Variants in RELN observed in about 807,000 individuals in gnomAD.
RELN encodes the protein reelin.
In RELN, 108 loss-of-function variants were observed where a neutral mutation model predicts 427.6. The ratio of observed to expected loss-of-function variants is 0.25; its 90% CI spans 0.22 to 0.30. The LOEUF (loss-of-function observed/expected upper bound fraction) is 0.30. RELN is among the 10% of genes least tolerant of loss of function. The probability of loss-of-function intolerance (pLI) is 1.00; values close to 1 mark genes in which losing one functional copy is unlikely to be tolerated. For synonymous variants in RELN, 1,524 were observed against 1,513.4 expected (o/e 1.01, Z -0.16); for missense variants, 3,715 against 4,302.8 (o/e 0.86, Z 3.82).
chr7:103,519,230 A>C (rs1829643774), intron 49 of RELN, 93 bp downstream of exon 49: 2 of 935,686 alleles, frequency 2.1e-6, no homozygotes, highest in Admixed American at 1.7e-5. Flanking sequence ...AGTGAGGCAT[A>C]AGTCTGAGGT....
At chr7:103,559,577 T>C (rs1487787242) in intron 36 of RELN, among the ~76,000 whole-genome samples, 1 of 152,192 alleles carries the variant, frequency 6.6e-6, no homozygotes, top group Non-Finnish European at 1.5e-5. Flanking sequence ...CTTGGATTTT[T>C]TTTTTGTTTG....
At chr7:103,972,114 T>C (rs961115701) in intron 1 of RELN, among the ~76,000 whole-genome samples, 1 of 152,024 alleles carries the variant, frequency 6.6e-6, no homozygotes, top group African/African-American at 2.4e-5. Flanking sequence ...TAAAAAAATC[T>C]CTGCAATGTT....
intron 4 of RELN, among the ~76,000 whole-genome samples, chr7:103,763,369 G>A (rs80178601): frequency 0.015 from 2,250 of 152,228 alleles, 58 homozygotes; most frequent in African/African-American, 0.051. Context: ...TAAGTGTCAG[G>A]TACTGTGCCA....
intron 11 of RELN, among the ~76,000 whole-genome samples, chr7:103,668,939 C>T (rs1414643533): frequency 6.6e-6 from 1 of 152,128 alleles, no homozygotes; most frequent in Non-Finnish European, 1.5e-5. Flanking sequence ...AAAGAATTTT[C>T]ATGGACTAAA....
At position 103,497,917 on chromosome 7, in the gene RELN, T is replaced by C; in HGVS notation, c.8853A>G (p.Gln2951=). Residue 2951 remains glutamine, a synonymous_variant, in exon 55 of 65, where the codon CAA becomes CAG. Transcript: ENST00000428762. The part of the protein sequence containing the change: ...DLDLRGAKFL[Q]YWGRIGSENN... ...TCTCACTACCGATGCGCCCCCAGTA[T>C]TGCAGGAACCTGAATGCAAGCACAT... 6.2e-7 allele frequency: 1 copy of C among 1,614,098 alleles called. No individual in the cohort carries two copies. The highest frequency in any genetic ancestry group is 2.2e-5 in the East Asian group (1 of 44,880).
chr7:103,850,723 C>T (rs1249160945), intron 2 of RELN, among the ~76,000 whole-genome samples: 1 of 152,104 alleles, frequency 6.6e-6, no homozygotes, highest in African/African-American at 2.4e-5. Flanking sequence ...GGCCAACAAA[C>T]ATATGAAAAA....
At chr7:103,746,692 T>C (rs1790841754) in intron 6 of RELN, among the ~76,000 whole-genome samples, 1 of 151,884 alleles carries the variant, frequency 6.6e-6, no homozygotes, top group Non-Finnish European at 1.5e-5. Flanking sequence ...ATCAGAGAAA[T>C]GCAAATCAAA....
chr7:103,504,257 G>A (rs1829134397), intron 51 of RELN: 1 of 152,216 alleles, frequency 6.6e-6, no homozygotes, highest in Non-Finnish European at 1.5e-5. Context: ...AGTATTAATA[G>A]AGAGATGGGT....
At chr7:103,597,550 C>T (rs1246748226) in intron 24 of RELN, among the ~76,000 whole-genome samples, 2 of 152,074 alleles carry the variant, frequency 1.3e-5, no homozygotes, top group African/African-American at 4.8e-5. Flanking sequence ...TTGCAGTGAG[C>T]GAGATCAGGC....
At chr7:103,788,917 T>A (rs562126694) in intron 3 of RELN, among the ~76,000 whole-genome samples, 31 of 152,226 alleles carry the variant, frequency 2.0e-4, no homozygotes, top group African/African-American at 7.5e-4. Context: ...GGAGGTGTCA[T>A]GCTACCTGAC....
rs115733709 is a variant in RELN at position 103,904,847 on chromosome 7, T to C, written c.337+12228A>G. ...ATATATTCCCAAGAAACTGTAGACT[T>C]ATCATTTCTGGAAAGAAAATGAAAT... On this transcript the variant is annotated intron_variant, in intron 2 of 64. Coordinates refer to ENST00000428762, the MANE Select transcript of RELN (RefSeq NM_005045.4). Among the ~76,000 whole-genome samples, 1,500 of 152,186 alleles carry C rather than the reference T, an allele frequency of 9.9e-3. 22 individuals carry two copies. The highest frequency in any genetic ancestry group is 0.034 in the African/African-American group (1,402 of 41,546).
intron 21 of RELN, 59 bp from the exon 22 acceptor site, chr7:103,610,866 T>A (rs950715356): frequency 1.6e-5 from 14 of 897,526 alleles, no homozygotes; most frequent in Non-Finnish European, 2.3e-5. Flanking sequence ...GTGAAATATG[T>A]CTACTCACCC....
At position 103,553,794 on chromosome 7, in the gene RELN, A is replaced by C. The variant is rs1335921554; in HGVS notation, c.5835T>G (p.Ile1945Met). 2.5e-6 allele frequency: 4 copies of C among 1,614,118 alleles called. No individual in the cohort carries two copies. ...GGTTGTTTACATTATTTCCATCGAT[A>C]ATGAAGTCATCAACAATCCAGATTT... ...KEEIWIVDDF[I>M]IDGNNVNNPV... is the part of the protein sequence containing the mutation. The change falls in exon 39 of 65, where the codon ATT (isoleucine) becomes ATG (methionine). Residue 1945 changes from isoleucine (I) to methionine (M), a missense_variant. Around this residue, in one of 4 missense-constraint regions of RELN, gnomAD observed 1,310 missense variants for 1,643.0 expected, o/e 0.80. Coordinates refer to ENST00000428762, the MANE Select transcript of RELN (RefSeq NM_005045.4).
At chr7:103,577,961 T>A (rs2117213816) in intron 28 of RELN, among the ~76,000 whole-genome samples, 2 of 152,320 alleles carry the variant, frequency 1.3e-5, no homozygotes, top group East Asian at 3.9e-4. Context: ...CTGGGCAAGA[T>A]GAGGGCATCT....
At chr7:103,692,890 C>T (rs1049736841) in intron 10 of RELN, among the ~76,000 whole-genome samples, 3 of 151,900 alleles carry the variant, frequency 2.0e-5, no homozygotes, top group Non-Finnish European at 2.9e-5. Context: ...TTCTCAGAGA[C>T]AATGGCATTT....
Position 103,902,151 on chromosome 7 carries a change from A to G in RELN, c.337+14924T>C, listed in dbSNP as rs1258717194. ...GAAAGAAACAGAGAGGCTAGGGATA[A>G]ACTTCATCAGCCTCATAATTACTCT... On this transcript the variant is annotated intron_variant, in intron 2 of 64. Coordinates refer to ENST00000428762, the MANE Select transcript of RELN (RefSeq NM_005045.4). 3.3e-5 allele frequency among the ~76,000 whole-genome samples: 5 copies of G among 152,102 alleles called. No homozygotes were observed. In the East Asian group the frequency reaches 9.7e-4, roughly 29 times the overall value.
chr7:103,589,903 A>G, intron 27 of RELN, 75 bp from the exon 28 acceptor site: 3 of 884,786 alleles, frequency 3.4e-6, no homozygotes, highest in Middle Eastern at 4.3e-4. Flanking sequence ...ATGCTACAGC[A>G]TCCAGGGTGC....
intron 2 of RELN, among the ~76,000 whole-genome samples, chr7:103,850,040 T>C (rs1319219971): frequency 6.6e-6 from 1 of 152,244 alleles, no homozygotes; most frequent in Non-Finnish European, 1.5e-5. Context: ...ACCAAGTGAA[T>C]GGTTCTATCA....
chr7:103,676,424 A>G (rs1390196419), intron 11 of RELN, among the ~76,000 whole-genome samples: 1 of 152,172 alleles, frequency 6.6e-6, no homozygotes, highest in Non-Finnish European at 1.5e-5. Context: ...AAATAGGAAC[A>G]CTTTTACACT....
Sources: gnomAD v4.1 joint callset for allele counts (sites outside exome capture counted in the v4.1 genomes callset) on GRCh38, gnomAD v4.1.1 for gene constraint, gnomAD v4.1.1 regional missense constraint, MANE v1.5 for transcripts, NCBI Gene and HGNC (gene_info 2026-07-23, HGNC 2026-07-21) for gene names.